The following FMNL1 variants were observed in gnomAD, a reference collection of about 807,000 sequenced individuals.
FMNL1 encodes the protein formin like 1.
In FMNL1, 43 loss-of-function variants were observed where a neutral mutation model predicts 121.3. The observed-to-expected ratio is 0.35, with a 90% CI of 0.28 to 0.46. The LOEUF (loss-of-function observed/expected upper bound fraction) is 0.46. Ranked by LOEUF, FMNL1 falls within the 20% of genes least tolerant of loss-of-function variation. FMNL1 has a pLI of 1.00. For missense variants in FMNL1, 1,191 were observed against 1,482.4 expected, an observed-to-expected ratio of 0.80 and a Z score of 3.23; for synonymous variants, 613 against 613.5, an observed-to-expected ratio of 1.00 and a Z score of 0.01.
chr17:45,239,131 C>A, intron 11 of FMNL1, 66 bp downstream of exon 11: 3 of 1,351,982 alleles, frequency 2.2e-6, no homozygotes, highest in Admixed American at 1.7e-5. Context: ...GAGTGGTTAG[C>A]AGCATGAGTG....
At chr17:45,225,052 T>C (rs1163375162) in intron 1 of FMNL1, among the ~76,000 whole-genome samples, 2 of 152,200 alleles carry the variant, frequency 1.3e-5, no homozygotes, top group Non-Finnish European at 2.9e-5. Context: ...GGGACACCCC[T>C]GATCTGCCGG....
intron 11 of FMNL1, among the ~76,000 whole-genome samples, chr17:45,239,659 C>T (rs913561674): frequency 3.9e-5 from 6 of 152,080 alleles, no homozygotes; most frequent in Admixed American, 3.9e-4. Context: ...AGAGAGCAGG[C>T]TGGCGGGGGG....
In FMNL1 at chr17:45,231,773, C is replaced by T. The variant is rs1410323015; in HGVS notation, c.214-594C>T. On this transcript the variant is annotated intron_variant, in intron 2 of 26. Coordinates refer to ENST00000331495, the MANE Select transcript of FMNL1 (RefSeq NM_005892.4). The surrounding 1 kb of genome is among the most constrained non-coding windows in gnomAD (Gnocchi z 4.7). Reference sequence around the variant, plus strand: ...CGCAGATGTGCAGGGCGGCTGGGTCCGAGTCCTACCCAGGTGCTGGGTCCC... The same window carrying T: ...CGCAGATGTGCAGGGCGGCTGGGTCTGAGTCCTACCCAGGTGCTGGGTCCC... Among the ~76,000 whole-genome samples the T allele has an allele frequency of 6.6e-6, 1 of 152,110 alleles. No individual in the cohort carries two copies.
chr17:45,239,572 C>T (rs1237209622), intron 11 of FMNL1, among the ~76,000 whole-genome samples: 4 of 152,334 alleles, frequency 2.6e-5, no homozygotes, highest in Admixed American at 2.0e-4. Context: ...AGCTCCTTCT[C>T]TGCTTCCTTT....
In FMNL1 at chr17:45,233,547, G is replaced by T; in HGVS notation, c.402-101G>T. The T allele has an allele frequency of 7.4e-7, 1 of 1,359,944 alleles. No homozygotes were observed. The highest frequency in any genetic ancestry group is 1.2e-5 in the South Asian group (1 of 80,470). The allele number at this position is 1,359,944 out of a possible 1,614,324, so 84.2% of individuals were successfully genotyped here. On this transcript the variant is annotated intron_variant, in intron 4 of 26. Coordinates refer to ENST00000331495, the MANE Select transcript of FMNL1 (RefSeq NM_005892.4). The surrounding 1 kb of genome is among the most constrained non-coding windows in gnomAD (Gnocchi z 4.1). Reference sequence around the variant, plus strand: ...CCTTTGGTATCATTGGGTCTTTGGGGGTTGAAAGGGCACCCCAGGGGTCCT... The same window carrying T: ...CCTTTGGTATCATTGGGTCTTTGGGTGTTGAAAGGGCACCCCAGGGGTCCT...
At chr17:45,226,436 G>A (rs1027878384) in intron 1 of FMNL1, among the ~76,000 whole-genome samples, 23 of 152,288 alleles carry the variant, frequency 1.5e-4, no homozygotes, top group African/African-American at 5.1e-4. Context: ...ATCTGGGCCA[G>A]GCTGTCTGCA....
chr17:45,234,358 T>A, intron 6 of FMNL1, 158 bp downstream of exon 6: 1 of 1,297,112 alleles, frequency 7.7e-7, no homozygotes, highest in Non-Finnish European at 1.1e-6. Context: ...GGGACACCAG[T>A]ATGTTAAGAA....
At position 45,243,876 on chromosome 17, in the gene FMNL1, C is replaced by G. The variant is rs201792365; in HGVS notation, c.2299C>G (p.Arg767Gly). ...PTEYERSLIT[R>G]FEREQRPMEE... is the part of the protein sequence containing the mutation. ...AGAGTATGAGCGCAGCCTCATCACC[C>G]GCTTTGAGCGGGAGCAGCGGCCAAT... is the stretch of plus-strand genomic sequence containing the variant. Residue 767 changes from arginine to glycine, a missense_variant, in exon 18 of 27, where the codon CGC becomes GGC. Around this residue, in one of 4 missense-constraint regions of FMNL1, gnomAD observed 367 missense variants for 528.6 expected, o/e 0.69. Coordinates refer to ENST00000331495, the MANE Select transcript of FMNL1 (RefSeq NM_005892.4). 1 of 1,613,922 alleles carries G rather than the reference C, an allele frequency of 6.2e-7. No homozygotes were observed. Among genetic ancestry groups the G allele is most frequent in the Non-Finnish European group, 8.5e-7 (1 of 1,180,038 alleles).
intron 10 of FMNL1, 150 bp from the exon 11 acceptor site, chr17:45,238,805 C>A: frequency 9.4e-7 from 1 of 1,068,712 alleles, no homozygotes; most frequent in Non-Finnish European, 1.4e-6. Context: ...ATTGAGGGAA[C>A]ATGGAGGTGA....
intron 12 of FMNL1, 187 bp from the exon 13 acceptor site, chr17:45,240,942 G>C (rs2043675727): frequency 2.6e-6 from 2 of 757,086 alleles, no homozygotes; most frequent in African/African-American, 3.5e-5. Context: ...CGCATCACTG[G>C]TACCTTGGTT....
At position 45,237,385 on chromosome 17, in the gene FMNL1, C is replaced by G. The variant is rs757945544; in HGVS notation, c.800+28C>G. The G allele has an allele frequency of 1.2e-6, 2 of 1,613,660 alleles. No individual in the cohort carries two copies. Among genetic ancestry groups the G allele is most frequent in the Non-Finnish European group, 1.7e-6 (2 of 1,179,568 alleles). On this transcript the variant is annotated intron_variant, in intron 8 of 26. Coordinates refer to ENST00000331495, the MANE Select transcript of FMNL1 (RefSeq NM_005892.4). The surrounding 1 kb of genome is among the most constrained non-coding windows in gnomAD (Gnocchi z 4.4). ...GAGGTCCAGGCCCCAAACCTTTCTC[C>G]GTATCTAGAGTCTTCTCCTACTTAG... is the stretch of plus-strand genomic sequence containing the variant.
In FMNL1 at chr17:45,230,706, C is replaced by G; in HGVS notation, c.213+19C>G. 6.2e-7 allele frequency: 1 copy of G among 1,612,080 alleles called. No homozygotes were observed. The highest frequency in any genetic ancestry group is 2.2e-5 in the East Asian group (1 of 44,840). ...TGATCAGGTAGGTGCCAGCACTGCC[C>G]AGCCACCCCTTCCCTCCCACTGTCA... is the stretch of plus-strand genomic sequence containing the variant. On this transcript the variant is annotated intron_variant, in intron 2 of 26. Transcript: ENST00000331495.
intron 6 of FMNL1, among the ~76,000 whole-genome samples, 161 bp from the exon 7 acceptor site, chr17:45,235,975 G>A (rs2043540297): frequency 6.6e-6 from 1 of 152,216 alleles, no homozygotes; most frequent in Non-Finnish European, 1.5e-5. Context: ...TAAGGACTGA[G>A]GAAGCCTGCC....
intron 11 of FMNL1, 54 bp from the exon 12 acceptor site, chr17:45,240,422 C>CT: frequency 4.0e-6 from 6 of 1,504,760 alleles, no homozygotes; most frequent in Non-Finnish European, 5.4e-6. Flanking sequence ...TTTGGAAAGA[C>CT]TCCCCCCCAC....
chr17:45,226,935 T>C (rs2043340375), intron 1 of FMNL1, among the ~76,000 whole-genome samples: 1 of 152,156 alleles, frequency 6.6e-6, no homozygotes, highest in South Asian at 2.1e-4. Flanking sequence ...CTGGAATTGC[T>C]TATAAGAGCC....
In FMNL1 at chr17:45,238,574, A is replaced by T. The variant is rs779872309; in HGVS notation, c.905A>T (p.Glu302Val). ...ATTCCCCTTACCCAGGTGTGTGGGG[A>T]GCAGCACCGCTTTGAAAAGCTGATG... The part of the protein sequence containing the change: ...AFDNFKEVCG[E>V]QHRFEKLMEY... Residue 302 changes from glutamate (E) to valine (V), a missense_variant, in exon 10 of 27, where the codon GAG (glutamate) becomes GTG (valine). By Grantham distance (121) the Glu-to-Val change is moderately radical. Transcript: ENST00000331495. 6.2e-7 allele frequency: 1 copy of T among 1,614,142 alleles called. No individual in the cohort carries two copies. The highest frequency in any genetic ancestry group is 8.5e-7 in the Non-Finnish European group (1 of 1,180,022).
Position 45,243,295 on chromosome 17 carries a change from G to C in FMNL1, c.2188G>C (p.Glu730Gln). ...ITLRKGNLGA[E>Q]RICQAIEAYD... ...CCTGCGGAAGGGCAACCTGGGGGCC[G>C]AGCGCATCTGCCAAGCCATTGAGGC... The change falls in exon 17 of 27, where the codon GAG becomes CAG. Residue 730 changes from glutamate (E) to glutamine (Q), a missense_variant. By Grantham distance (29) the Glu-to-Gln change is conservative. This residue lies in a region of FMNL1 where 367 missense variants were observed against 528.6 expected (regional missense o/e 0.69). Transcript: ENST00000331495. The C allele has an allele frequency of 1.9e-6, 3 of 1,613,498 alleles. No homozygotes were observed. The highest frequency in any genetic ancestry group is 1.7e-6 in the Non-Finnish European group (2 of 1,179,818).
intron 1 of FMNL1, among the ~76,000 whole-genome samples, chr17:45,230,308 C>T (rs995690291): frequency 6.6e-6 from 1 of 152,184 alleles, no homozygotes; most frequent in Non-Finnish European, 1.5e-5. Flanking sequence ...TGACAACCCA[C>T]GCTCCTGCCT....
chr17:45,241,630 C>T lies in FMNL1; in HGVS notation c.1581C>T (p.Ser527=), dbSNP rs2043697945. ...PTPGVPTGSP[S]PDLAPAAEPA... ...CGGGGGTGCCGACCGGCTCCCCCAG[C>T]CCAGGTGCGCAGGAGCTTCAGGCTG... is the stretch of plus-strand genomic sequence containing the variant. The change falls in exon 14 of 27, where the codon AGC becomes AGT. Residue 527 remains serine, a synonymous_variant. Transcript: ENST00000331495. This position sits in a 1 kb window ranked among gnomAD's most constrained non-coding sequence, Gnocchi z 7.0. The T allele has an allele frequency of 2.0e-6, 3 of 1,504,926 alleles. No individual in the cohort carries two copies. Among genetic ancestry groups the T allele is most frequent in the Non-Finnish European group, 8.9e-7 (1 of 1,126,006 alleles). The allele number at this position is 1,504,926 out of a possible 1,614,324, so 93.2% of individuals were successfully genotyped here. A position where few individuals can be genotyped will look rare whatever the true frequency, so the allele number is the denominator to read the frequency against.
Sources: allele counts gnomAD v4.1 joint callset (sites outside exome capture counted in the v4.1 genomes callset), GRCh38; gene constraint gnomAD v4.1.1; regional missense constraint gnomAD v4.1.1; non-coding constraint Gnocchi (gnomAD v3.1); transcripts MANE v1.5; gene names NCBI Gene and HGNC (gene_info 2026-07-23, HGNC 2026-07-21).